Variants in NELL2 observed in about 807,000 individuals in gnomAD.
NELL2 encodes the protein neural EGFL like 2.
NELL2 carries 41 observed loss-of-function variants against 109.6 expected under a neutral mutation model. The ratio of observed to expected loss-of-function variants is 0.37; its 90% CI spans 0.29 to 0.49. NELL2 has a LOEUF of 0.49. NELL2 is among the 20% of genes least tolerant of loss of function. NELL2 has a pLI of 0.98. For missense variants in NELL2, 900 were observed against 1,008.3 expected (o/e 0.89, Z 1.45); for synonymous variants, 355 against 344.7 (o/e 1.03, Z -0.33).
intron 5 of NELL2, among the ~76,000 whole-genome samples, chr12:44,778,956 CT>C (rs1228922495): frequency 2.0e-5 from 3 of 152,154 alleles, no homozygotes; most frequent in Non-Finnish European, 4.4e-5. Flanking sequence ...TGAACTATCA[CT>C]TATCATTGTT....
intron 1 of NELL2, among the ~76,000 whole-genome samples, chr12:44,885,872 T>G (rs926546066): frequency 2.0e-5 from 3 of 151,876 alleles, no homozygotes; most frequent in African/African-American, 7.3e-5. Flanking sequence ...GTATCTGACT[T>G]CAATACTATA....
intron 2 of NELL2, chr12:44,851,591 G>C (rs1439877833): frequency 6.6e-6 from 1 of 152,076 alleles, no homozygotes; most frequent in Non-Finnish European, 1.5e-5. Flanking sequence ...TTAATTTACA[G>C]CTATAGCTAA....
intron 9 of NELL2, among the ~76,000 whole-genome samples, chr12:44,766,314 G>T (rs900954767): frequency 2.0e-5 from 3 of 152,164 alleles, no homozygotes; most frequent in Middle Eastern, 3.2e-3. Flanking sequence ...GTGCAGCTGG[G>T]TTGTTGTTTT....
chr12:44,558,494 G>A (rs868632193), intron 15 of NELL2, among the ~76,000 whole-genome samples: 8 of 152,318 alleles, frequency 5.3e-5, no homozygotes, highest in Middle Eastern at 3.4e-3. Flanking sequence ...GACAGTGGGT[G>A]CAGCCCAGGG....
intron 15 of NELL2, among the ~76,000 whole-genome samples, chr12:44,573,440 C>A (rs1943947417): frequency 6.6e-6 from 1 of 152,086 alleles, no homozygotes; most frequent in Non-Finnish European, 1.5e-5. Flanking sequence ...AGAAATGTAC[C>A]ACAAGCACTT....
chr12:44,774,695 T>C (rs1941679903), intron 9 of NELL2, 52 bp downstream of exon 9: 1 of 1,415,882 alleles, frequency 7.1e-7, no homozygotes, highest in Non-Finnish European at 1.0e-6. Flanking sequence ...TACTTATTAA[T>C]ACAGTGCTTT....
intron 1 of NELL2, among the ~76,000 whole-genome samples, chr12:44,901,692 G>A (rs1200048612): frequency 6.6e-6 from 1 of 152,078 alleles, no homozygotes; most frequent in Admixed American, 6.6e-5. Flanking sequence ...ACATCAAAAG[G>A]CTTATCCAGC....
intron 2 of NELL2, among the ~76,000 whole-genome samples, chr12:44,850,052 G>T (rs925414324): frequency 6.6e-6 from 1 of 152,052 alleles, no homozygotes; most frequent in Non-Finnish European, 1.5e-5. Context: ...TGTTTTGGGT[G>T]GCGGTTATCT....
At chr12:44,665,392 G>A (rs1947887565) in intron 13 of NELL2, 92 bp downstream of exon 13, 1 of 1,067,312 alleles carries the variant, frequency 9.4e-7, no homozygotes, top group African/African-American at 1.6e-5. Flanking sequence ...TGTATTTATG[G>A]TATACTTATC....
At chr12:44,717,112 T>A (rs1468400211) in intron 9 of NELL2, among the ~76,000 whole-genome samples, 3 of 152,122 alleles carry the variant, frequency 2.0e-5, no homozygotes, top group Non-Finnish European at 4.4e-5. Context: ...TCTTTTTTGA[T>A]CAGTTGCTGT....
At chr12:44,512,699 T>G (rs1430437067) in intron 19 of NELL2, among the ~76,000 whole-genome samples, 3 of 152,100 alleles carry the variant, frequency 2.0e-5, no homozygotes, top group Admixed American at 2.0e-4. Context: ...GAGGACATTA[T>G]GTGAAATAAG....
In NELL2 at chr12:44,815,650, G is replaced by T. The variant is rs147483923; in HGVS notation, c.335+336C>A. The stretch of plus-strand genomic sequence containing the variant: ...TGTGTTGTTGTTGAGACGGAGTCTC[G>T]CTCTGTTACCCAGGCTGGAGTGTAA... On this transcript the variant is annotated intron_variant, in intron 3 of 19. Coordinates refer to ENST00000429094, the MANE Select transcript of NELL2 (RefSeq NM_001145108.2). Among the ~76,000 whole-genome samples the T allele has an allele frequency of 9.8e-3, 1,494 of 152,226 alleles. 13 individuals are homozygous for T. Among genetic ancestry groups the T allele is most frequent in the Non-Finnish European group, 0.017 (1,134 of 68,002 alleles).
At chr12:44,733,081 G>A (rs1448619622) in intron 9 of NELL2, among the ~76,000 whole-genome samples, 1 of 151,966 alleles carries the variant, frequency 6.6e-6, no homozygotes, top group African/African-American at 2.4e-5. Flanking sequence ...TGTTGGCAAG[G>A]ATGTAGAGAA....
intron 13 of NELL2, among the ~76,000 whole-genome samples, chr12:44,617,147 G>A (rs908336284): frequency 6.6e-6 from 1 of 152,038 alleles, no homozygotes; most frequent in Non-Finnish European, 1.5e-5. Flanking sequence ...TAATTCATTA[G>A]ATGATTTTAA....
intron 2 of NELL2, among the ~76,000 whole-genome samples, chr12:44,822,862 G>A (rs1943589060): frequency 1.3e-5 from 2 of 152,006 alleles, no homozygotes; most frequent in Middle Eastern, 3.2e-3. Context: ...GTTCATATGT[G>A]GCTACAGTAA....
intron 3 of NELL2, among the ~76,000 whole-genome samples, chr12:44,800,290 G>A (rs1942784675): frequency 6.6e-6 from 1 of 152,062 alleles, no homozygotes; most frequent in African/African-American, 2.4e-5. Context: ...GTTTAAGTCA[G>A]CTCTGCCTGA....
In NELL2 at chr12:44,569,712, T is replaced by C. The variant is rs1366527804; in HGVS notation, c.1664-36991A>G. 2.6e-5 allele frequency among the ~76,000 whole-genome samples: 4 copies of C among 152,186 alleles called. 1 individual carries two copies. The highest frequency in any genetic ancestry group is 5.9e-5 in the Non-Finnish European group (4 of 68,030). ...TAATATGAAGCAACTGAAATACTTA[T>C]TAAGATATTAAAAGCATTTTGAATA... is the stretch of plus-strand genomic sequence containing the variant. On this transcript the variant is annotated intron_variant, in intron 15 of 19. Coordinates refer to ENST00000429094, the MANE Select transcript of NELL2 (RefSeq NM_001145108.2).
At chr12:44,734,986 C>T (rs1939563943) in intron 9 of NELL2, among the ~76,000 whole-genome samples, 2 of 151,980 alleles carry the variant, frequency 1.3e-5, no homozygotes, top group African/African-American at 4.8e-5. Context: ...GGAACTACTC[C>T]CTTCTGGTTT....
At chr12:44,865,674 G>C (rs1413957937) in intron 2 of NELL2, among the ~76,000 whole-genome samples, 1 of 90,914 alleles carries the variant, frequency 1.1e-5, no homozygotes, top group Non-Finnish European at 2.2e-5. Flanking sequence ...GGGGTCGGGG[G>C]AGGGGGGAGG....
Sources: gnomAD v4.1 joint callset for allele counts (sites outside exome capture counted in the v4.1 genomes callset) on GRCh38, gnomAD v4.1.1 for gene constraint, MANE v1.5 for transcripts, NCBI Gene and HGNC (gene_info 2026-07-23, HGNC 2026-07-21) for gene names.